Variants in FRMPD2 observed in about 807,000 individuals in gnomAD.
FRMPD2 encodes the protein FERM and PDZ domain-containing protein 2.
FRMPD2 carries 96 observed loss-of-function variants against 140.1 expected under a neutral mutation model. That is an observed-to-expected ratio of 0.69 (90% CI 0.58 to 0.81). The LOEUF (loss-of-function observed/expected upper bound fraction) is 0.81. Ranked by LOEUF, FRMPD2 falls within the 40% of genes least tolerant of loss-of-function variation. FRMPD2 has a pLI of 0.00. For missense variants in FRMPD2, 1,240 were observed against 1,447.4 expected (o/e 0.86, Z 2.32); for synonymous variants, 449 against 547.6 (o/e 0.82, Z 2.52).
At chr10:48,160,237 C>A (rs1348632228) in intron 28 of FRMPD2, among the ~76,000 whole-genome samples, 1 of 151,548 alleles carries the variant, frequency 6.6e-6, no homozygotes, top group Admixed American at 6.6e-5. Flanking sequence ...TAAAGATCTA[C>A]TACTAGACGG....
chr10:48,266,296 T>C (rs1840676951), intron 1 of FRMPD2, among the ~76,000 whole-genome samples: 1 of 152,132 alleles, frequency 6.6e-6, no homozygotes, highest in South Asian at 2.1e-4. Flanking sequence ...TATAATATAA[T>C]CTGTACAACA....
At chr10:48,197,357 G>A (rs568372968) in intron 15 of FRMPD2, among the ~76,000 whole-genome samples, 5 of 152,088 alleles carry the variant, frequency 3.3e-5, no homozygotes, top group Admixed American at 2.0e-4. Context: ...CTTCCCACTC[G>A]AGCACAATAC....
chr10:48,269,029 G>T (rs1421285038), intron 1 of FRMPD2, among the ~76,000 whole-genome samples: 1 of 151,562 alleles, frequency 6.6e-6, no homozygotes, highest in East Asian at 2.0e-4. Context: ...TGGCAAAAGG[G>T]TTACTATTTA....
rs187846143 is a variant in FRMPD2 at position 48,209,838 on chromosome 10, A to C, written c.1611+2116T>G. The stretch of plus-strand genomic sequence containing the variant: ...AGATGCTAACCTCAGTATTGTTTTA[A>C]ATAGTCCCATATTGGAAACCATTTA... On this transcript the variant is annotated intron_variant, in intron 13 of 28. Coordinates refer to ENST00000374201, the MANE Select transcript of FRMPD2 (RefSeq NM_001018071.4). Among the ~76,000 whole-genome samples the C allele has an allele frequency of 5.6e-4, 86 of 152,386 alleles. 1 individual carries two copies. The East Asian group carries it at 0.012, about 22-fold the overall frequency.
intron 16 of FRMPD2, among the ~76,000 whole-genome samples, chr10:48,191,009 A>G (rs1564420101): frequency 6.6e-6 from 1 of 152,244 alleles, no homozygotes; most frequent in Non-Finnish European, 1.5e-5. Flanking sequence ...GGACGCTCCT[A>G]CATCAAGAAG....
At chr10:48,262,150 TA>T (rs1237566357) in intron 1 of FRMPD2, among the ~76,000 whole-genome samples, 1 of 152,138 alleles carries the variant, frequency 6.6e-6, no homozygotes, top group Non-Finnish European at 1.5e-5. Flanking sequence ...GTATGCCAGT[TA>T]AAAGACAGAA....
intron 15 of FRMPD2, among the ~76,000 whole-genome samples, chr10:48,197,004 G>A: frequency 6.6e-6 from 1 of 152,224 alleles, no homozygotes; most frequent in East Asian, 1.9e-4. Context: ...TAGCAGGTAA[G>A]TCAGGTATAA....
Position 48,255,507 on chromosome 10 carries a change from G to A in FRMPD2, c.26-3816C>T, listed in dbSNP as rs114648436. On this transcript the variant is annotated intron_variant, in intron 1 of 28. Transcript: ENST00000374201. The stretch of plus-strand genomic sequence containing the variant: ...CCATTACCACATTTAATAAATACTC[G>A]TCAAGGATCTGGTATATTTCAAGCT... 6.7e-3 allele frequency among the ~76,000 whole-genome samples: 1,025 copies of A among 152,128 alleles called. 6 individuals carry two copies. Among genetic ancestry groups the A allele is most frequent in the African/African-American group, 0.02 (825 of 41,494 alleles).
rs760554386 is a variant in FRMPD2, at chr10:48,242,192, A to G, written c.536T>C (p.Leu179Pro). 8.7e-6 allele frequency: 14 copies of G among 1,613,832 alleles called. No homozygotes were observed. The highest frequency in any genetic ancestry group is 2.7e-5 in the African/African-American group (2 of 74,950). The change falls in exon 5 of 29, where the codon CTG (leucine) becomes CCG (proline). Residue 179 changes from leucine to proline, a missense_variant. This residue lies in a region of FRMPD2 where 1,161 missense variants were observed against 1,055.9 expected (regional missense o/e 1.10). Transcript: ENST00000374201. The stretch of plus-strand genomic sequence containing the variant: ...AATGGTACCCAGAACCAAGCCAACC[A>G]GCCTTCTGATGTGGAGACCAGCAGG... ...PAPAGLHIRR[L>P]VGLVLGTISE...
intron 15 of FRMPD2, chr10:48,199,600 C>T (rs868171776): frequency 6.6e-6 from 1 of 152,194 alleles, no homozygotes; most frequent in Non-Finnish European, 1.5e-5. Flanking sequence ...ATTGCAGAAA[C>T]ATTTTAATGT....
chr10:48,209,296 G>A (rs1839267443), intron 13 of FRMPD2, among the ~76,000 whole-genome samples: 1 of 152,148 alleles, frequency 6.6e-6, no homozygotes, highest in Non-Finnish European at 1.5e-5. Context: ...GTGGGAAAAT[G>A]GCTCCATGGT....
chr10:48,250,141 C>G (rs995755489), intron 2 of FRMPD2, among the ~76,000 whole-genome samples: 1 of 152,168 alleles, frequency 6.6e-6, no homozygotes, highest in African/African-American at 2.4e-5. Context: ...TCGCCCGAGC[C>G]CACCTACACC....
At chr10:48,249,758 G>A (rs886255953) in intron 2 of FRMPD2, among the ~76,000 whole-genome samples, 5 of 152,158 alleles carry the variant, frequency 3.3e-5, no homozygotes, top group Admixed American at 1.3e-4. Flanking sequence ...GGACCTTAAT[G>A]CCTAGGAGCC....
At chr10:48,175,229 C>T (rs1588805834) in intron 23 of FRMPD2, 1 of 672,240 alleles carries the variant, frequency 1.5e-6, no homozygotes, top group Non-Finnish European at 2.4e-6. Context: ...CCTTATCCTT[C>T]CTCCTGTTTT....
chr10:48,249,070 G>C lies in FRMPD2; in HGVS notation c.260C>G (p.Pro87Arg). 6.2e-7 allele frequency: 1 copy of C among 1,613,916 alleles called. No individual in the cohort carries two copies. The highest frequency in any genetic ancestry group is 8.5e-7 in the Non-Finnish European group (1 of 1,180,018). The change falls in exon 3 of 29, where the codon CCT (proline) becomes CGT (arginine). Residue 87 changes from proline to arginine, a missense_variant. Coordinates refer to ENST00000374201, the MANE Select transcript of FRMPD2 (RefSeq NM_001018071.4). ...SHIEAAPFKA[P>R]ELLQGQSEDE... ...CTCACTCTGTCCCTGTAGCAGTTCA[G>C]GGGCCTTGAAAGGAGCAGCCTCTAT...
chr10:48,220,735 T>C (rs974027213), intron 12 of FRMPD2, among the ~76,000 whole-genome samples: 2 of 151,728 alleles, frequency 1.3e-5, no homozygotes, highest in Non-Finnish European at 2.9e-5. Context: ...CTCAAACAAA[T>C]CAGCAAGAAA....
chr10:48,195,637 C>A (rs1838933949), intron 15 of FRMPD2, among the ~76,000 whole-genome samples: 1 of 151,950 alleles, frequency 6.6e-6, no homozygotes, highest in Non-Finnish European at 1.5e-5. Context: ...TGAGATCTAG[C>A]TAAAAGAAAT....
chr10:48,204,532 T>G (rs1258184092), intron 14 of FRMPD2, among the ~76,000 whole-genome samples: 1 of 152,200 alleles, frequency 6.6e-6, no homozygotes, highest in Non-Finnish European at 1.5e-5. Flanking sequence ...AGCGCCATCA[T>G]ACAGAAAAAT....
intron 27 of FRMPD2, among the ~76,000 whole-genome samples, chr10:48,165,616 C>T (rs1446259858): frequency 1.7e-5 from 2 of 118,860 alleles, no homozygotes; most frequent in Non-Finnish European, 3.7e-5. Context: ...TCCCTCCCTC[C>T]TTCCTGAGAG....
Sources: allele counts gnomAD v4.1 joint callset (sites outside exome capture counted in the v4.1 genomes callset), GRCh38; gene constraint gnomAD v4.1.1; regional missense constraint gnomAD v4.1.1; transcripts MANE v1.5; gene names NCBI Gene and HGNC (gene_info 2026-07-23, HGNC 2026-07-21).